CACNA1A: variants seen among roughly 807,000 people sequenced by gnomAD.
The protein encoded by CACNA1A is calcium voltage-gated channel subunit alpha1 A, also known as voltage-dependent P/Q-type calcium channel subunit alpha-1A.
Under a neutral mutation model 262.4 loss-of-function variants are expected in CACNA1A, and 57 were observed. The observed-to-expected ratio is 0.22, with a 90% CI of 0.18 to 0.27. CACNA1A has a LOEUF of 0.27. CACNA1A is among the 10% of genes least tolerant of loss of function. The pLI is 1.00. For synonymous variants in CACNA1A, 1,431 were observed against 1,419.3 expected, an observed-to-expected ratio of 1.01 and a Z score of -0.18; for missense variants, 2,526 against 3,562.8, an observed-to-expected ratio of 0.71 and a Z score of 7.41.
intron 3 of CACNA1A, among the ~76,000 whole-genome samples, chr19:13,437,636 A>G (rs908968156): frequency 3.4e-5 from 5 of 146,084 alleles, no homozygotes; most frequent in Admixed American, 7.1e-5. Flanking sequence ...AGTTGCAGTG[A>G]GCCAAGATCA....
At chr19:13,275,570 G>A (rs573550974) in intron 24 of CACNA1A, 56 of 480,720 alleles carry the variant, frequency 1.2e-4, no homozygotes, top group Non-Finnish European at 2.0e-4. Flanking sequence ...CTAGTCTACA[G>A]GAAGCTGCAC....
At chr19:13,442,477 G>A (rs2144885539) in intron 3 of CACNA1A, among the ~76,000 whole-genome samples, 1 of 152,300 alleles carries the variant, frequency 6.6e-6, no homozygotes, top group South Asian at 2.1e-4. Context: ...TGTACCAAGA[G>A]GAAGCTGCAG....
At position 13,243,378 on chromosome 19, in the gene CACNA1A, TC is replaced by T. The variant is rs546765323; in HGVS notation, c.4950+1803del. 1.9e-3 allele frequency among the ~76,000 whole-genome samples: 290 copies of T among 152,106 alleles called. 2 individuals are homozygous for T. In the Middle Eastern group the frequency reaches 0.024, roughly 12 times the overall value. On this transcript the variant is annotated intron_variant, in intron 31 of 46. Transcript: ENST00000360228. ...AGAATGGCCCCCTCTTTTGTGTAGT[TC>T]CCCAGCCCCTCCTGGCCTTCTAGGA...
At chr19:13,275,815 AAAGAGGC>A in intron 24 of CACNA1A, 28 bp downstream of exon 24, 1 of 1,425,794 alleles carries the variant, frequency 7.0e-7, no homozygotes, top group Non-Finnish European at 9.9e-7. Context: ...GGTTGGGGGA[AAAGAGGC>A]AAGAGGAACC....
intron 3 of CACNA1A, among the ~76,000 whole-genome samples, chr19:13,382,214 C>G (rs2059536095): frequency 6.6e-6 from 1 of 152,144 alleles, no homozygotes; most frequent in South Asian, 2.1e-4. Context: ...ATGATTACAG[C>G]CTGGGGACAG....
chr19:13,238,185 C>T (rs1195825561), intron 31 of CACNA1A, among the ~76,000 whole-genome samples: 2 of 152,240 alleles, frequency 1.3e-5, no homozygotes, highest in African/African-American at 4.8e-5. Context: ...CCACTGCCCC[C>T]AGAACTTCTG....
At chr19:13,382,326 C>T (rs1229867889) in intron 3 of CACNA1A, among the ~76,000 whole-genome samples, 3 of 152,138 alleles carry the variant, frequency 2.0e-5, no homozygotes, top group Admixed American at 6.6e-5. Flanking sequence ...GTGACCTTTC[C>T]CATTGCCTTA....
chr19:13,341,731 T>C (rs895082417), intron 6 of CACNA1A, among the ~76,000 whole-genome samples: 2 of 152,198 alleles, frequency 1.3e-5, no homozygotes, highest in African/African-American at 2.4e-5. Flanking sequence ...CCCTTTACAA[T>C]TGCACCCCTC....
chr19:13,239,474 T>C (rs2055997050), intron 31 of CACNA1A, among the ~76,000 whole-genome samples: 1 of 152,128 alleles, frequency 6.6e-6, no homozygotes, highest in Non-Finnish European at 1.5e-5. Flanking sequence ...CCTGACTGTA[T>C]GTGGTAAGAG....
intron 38 of CACNA1A, among the ~76,000 whole-genome samples, chr19:13,222,665 T>G (rs1269682240): frequency 6.6e-6 from 1 of 151,216 alleles, no homozygotes; most frequent in Non-Finnish European, 1.5e-5. Flanking sequence ...AAAGTGCTGC[T>G]ATTACAGGCG....
intron 3 of CACNA1A, among the ~76,000 whole-genome samples, chr19:13,407,294 C>T (rs1289199153): frequency 6.6e-6 from 1 of 152,186 alleles, no homozygotes; most frequent in African/African-American, 2.4e-5. Context: ...GGTGCCGCTA[C>T]AGAGGCAAAC....
chr19:13,335,997 C>T, intron 6 of CACNA1A, 88 bp from the exon 7 acceptor site: 8 of 746,644 alleles, frequency 1.1e-5, no homozygotes, highest in Non-Finnish European at 1.6e-5. Context: ...GCTCGGTTCT[C>T]TTGTGGCTCT....
chr19:13,215,689 T>G (rs1483012071), intron 38 of CACNA1A, among the ~76,000 whole-genome samples: 1 of 150,640 alleles, frequency 6.6e-6, no homozygotes, highest in Non-Finnish European at 1.5e-5. Context: ...TGATCTCGAC[T>G]CACTGTTACC....
At chr19:13,351,970 CA>C (rs2058919252) in intron 6 of CACNA1A, among the ~76,000 whole-genome samples, 1 of 152,106 alleles carries the variant, frequency 6.6e-6, no homozygotes, top group South Asian at 2.1e-4. Context: ...ATCAATCAAT[CA>C]ATCAATGATT....
intron 40 of CACNA1A, chr19:13,213,594 G>A (rs1315855526): frequency 6.7e-6 from 1 of 149,800 alleles, no homozygotes; most frequent in African/African-American, 2.5e-5. Flanking sequence ...ACAGCGCCCT[G>A]CACACAGTAA....
chr19:13,423,753 G>C (rs1246505661), intron 3 of CACNA1A, among the ~76,000 whole-genome samples: 1 of 151,960 alleles, frequency 6.6e-6, no homozygotes, highest in Admixed American at 6.6e-5. Context: ...GAGCTCAAGT[G>C]ATCCACCTGC....
intron 20 of CACNA1A, 82 bp from the exon 21 acceptor site, chr19:13,285,288 G>A: frequency 6.6e-7 from 1 of 1,506,598 alleles, no homozygotes; most frequent in Non-Finnish European, 9.1e-7. Context: ...CCCAGGGCAG[G>A]CAAGAAGCGG....
At position 13,324,038 on chromosome 19, in the gene CACNA1A, A is replaced by G. The variant is rs572298469; in HGVS notation, c.1345+6206T>C. Among the ~76,000 whole-genome samples, 11 of 152,364 alleles carry G rather than the reference A, an allele frequency of 7.2e-5. No homozygotes were observed. In the South Asian group the frequency reaches 2.1e-3, roughly 29 times the overall value. ...ATAAAGAAAATGTGGTATGTATACA[A>G]ATAGAATACTATACAGCCCTAAAAG... On this transcript the variant is annotated intron_variant, in intron 10 of 46. Transcript: ENST00000360228.
At chr19:13,498,172 C>G (rs760321831) in intron 1 of CACNA1A, among the ~76,000 whole-genome samples, 1 of 151,950 alleles carries the variant, frequency 6.6e-6, no homozygotes, top group Non-Finnish European at 1.5e-5. Context: ...GATAAAAGAA[C>G]GTGACAGACT....
Sources: gnomAD v4.1 joint callset for allele counts (sites outside exome capture counted in the v4.1 genomes callset) on GRCh38, gnomAD v4.1.1 for gene constraint, MANE v1.5 for transcripts, NCBI Gene and HGNC (gene_info 2026-07-23, HGNC 2026-07-21) for gene names.